The following POU2AF1 variants were observed in gnomAD, a reference collection of about 807,000 sequenced individuals.
POU2AF1 encodes the protein POU class 2 homeobox associating factor 1.
A neutral mutation model predicts 26.3 loss-of-function variants in POU2AF1; 12 were observed. That is an observed-to-expected ratio of 0.46 (90% CI 0.29 to 0.74). The LOEUF (loss-of-function observed/expected upper bound fraction) is 0.74. Ranked by LOEUF, POU2AF1 falls within the 30% of genes least tolerant of loss-of-function variation. The pLI is 0.09. For missense variants in POU2AF1, 297 were observed against 334.5 expected (o/e 0.89, Z 0.87); for synonymous variants, 175 against 148.0 (o/e 1.18, Z -1.32).
intron 1 of POU2AF1, chr11:111,363,388 A>G: frequency 2.0e-6 from 2 of 1,018,362 alleles, no homozygotes; most frequent in South Asian, 9.3e-5. Context: ...CCAACGGCCA[A>G]GTGTTTTTGC....
chr11:111,365,278 G>C (rs1288244011), intron 1 of POU2AF1, among the ~76,000 whole-genome samples: 1 of 152,220 alleles, frequency 6.6e-6, no homozygotes, highest in Non-Finnish European at 1.5e-5. Flanking sequence ...CATGATGCAA[G>C]GGATTCCTTT....
At chr11:111,372,429 C>T (rs1861231970) in intron 1 of POU2AF1, among the ~76,000 whole-genome samples, 1 of 152,036 alleles carries the variant, frequency 6.6e-6, no homozygotes, top group Admixed American at 6.5e-5. Context: ...TGCCATTGGT[C>T]CCTTATCTGA....
Position 111,353,098 on chromosome 11 carries a change from C to A in POU2AF1, c.*1163G>T. The stretch of plus-strand genomic sequence containing the variant: ...TGGTAGCACTAAGCCTAGGCGAGGA[C>A]CCATCACCTTTAGGCTTAATGGGGT... On this transcript the variant is annotated 3_prime_UTR_variant, in exon 5 of 5. Coordinates refer to ENST00000393067, the MANE Select transcript of POU2AF1 (RefSeq NM_006235.3). The A allele has an allele frequency of 4.4e-6, 1 of 228,784 alleles. No individual in the cohort carries two copies. Among genetic ancestry groups the A allele is most frequent in the Non-Finnish European group, 8.7e-6 (1 of 115,280 alleles). 14.2% of individuals were successfully genotyped at this position (228,784 alleles called of 1,614,324 possible). A position where few individuals can be genotyped will look rare whatever the true frequency, so the allele number is the denominator to read the frequency against.
At chr11:111,358,744 T>TC in intron 2 of POU2AF1, 44 bp downstream of exon 2, 11 of 1,489,674 alleles carry the variant, frequency 7.4e-6, no homozygotes, top group Non-Finnish European at 9.9e-6. Context: ...ACACATTCTC[T>TC]TTCACACACA....
At chr11:111,358,375 CTCTCTCACACACACTCCCTCACACACAT>C (rs1860905120) in intron 2 of POU2AF1, among the ~76,000 whole-genome samples, 1 of 25,128 alleles carries the variant, frequency 4.0e-5, no homozygotes, top group Non-Finnish European at 1.4e-4. Context: ...CACTCACACA[CTCTCTCACACACACTCCCTCACACACAT>C]ACTCTCTCAC....
At chr11:111,364,087 G>T in intron 1 of POU2AF1, 1 of 784,740 alleles carries the variant, frequency 1.3e-6, no homozygotes, top group Non-Finnish European at 1.5e-6. Flanking sequence ...TCCAAAATGA[G>T]CAATGAAACA....
At chr11:111,370,322 ATTTACCTCCTC>A (rs1216435574) in intron 1 of POU2AF1, among the ~76,000 whole-genome samples, 1 of 152,112 alleles carries the variant, frequency 6.6e-6, no homozygotes, top group Admixed American at 6.5e-5. Context: ...TTTTTTAGGA[ATTTACCTCCTC>A]TTTATTCACA....
Position 111,360,878 on chromosome 11 carries a change from A to G in POU2AF1, c.17-1960T>C, listed in dbSNP as rs1435747395. Among the ~76,000 whole-genome samples, 4 of 149,998 alleles carry G rather than the reference A, an allele frequency of 2.7e-5. No individual in the cohort carries two copies. In the Admixed American group the frequency reaches 2.7e-4, roughly 10 times the overall value. On this transcript the variant is annotated intron_variant, in intron 1 of 4. Transcript: ENST00000393067. ...GGAATGGCTTGAACCTGGGAGGTGG[A>G]GGTTGCAGTGAGCTGAGATCACACC...
chr11:111,352,963 GA>G lies in POU2AF1; in HGVS notation c.*1297del, dbSNP rs1860756144. On this transcript the variant is annotated 3_prime_UTR_variant, in exon 5 of 5. Coordinates refer to ENST00000393067, the MANE Select transcript of POU2AF1 (RefSeq NM_006235.3). ...AAACCAAAAAAAAGAAAGAAAGAGA[GA>G]GGAAGGAAGGAAGGAAGGAAGGAAG... The G allele has an allele frequency of 7.3e-6, 1 of 137,512 alleles. No homozygotes were observed. Among genetic ancestry groups the G allele is most frequent in the Non-Finnish European group, 1.5e-5 (1 of 67,932 alleles). 8.5% of individuals were successfully genotyped at this position (137,512 alleles called of 1,614,324 possible). A position where few individuals can be genotyped will look rare whatever the true frequency, so the allele number is the denominator to read the frequency against.
At chr11:111,376,697 T>C (rs567497037) in intron 1 of POU2AF1, among the ~76,000 whole-genome samples, 1 of 152,120 alleles carries the variant, frequency 6.6e-6, no homozygotes, top group African/African-American at 2.4e-5. Context: ...GCCTCGAGGG[T>C]GTTTTCTGAA....
In POU2AF1 at chr11:111,354,909, T is replaced by C. The variant is rs1665565543; in HGVS notation, c.457-334A>G. On this transcript the variant is annotated intron_variant, in intron 4 of 4. Coordinates refer to ENST00000393067, the MANE Select transcript of POU2AF1 (RefSeq NM_006235.3). ...ATTAGAGAGGATTTTCCAGGTTTCG[T>C]TGAATACAAAATTCATTTCTATTTC... Among the ~76,000 whole-genome samples the C allele has an allele frequency of 2.0e-5, 3 of 152,272 alleles. No homozygotes were observed. The South Asian group carries it at 6.2e-4, about 31-fold the overall frequency.
chr11:111,371,649 A>C (rs893528273), intron 1 of POU2AF1, among the ~76,000 whole-genome samples: 1 of 152,212 alleles, frequency 6.6e-6, no homozygotes, highest in Non-Finnish European at 1.5e-5. Context: ...ACAAATTGTA[A>C]TCTAAAATTA....
chr11:111,363,111 G>A (rs1242824776), intron 1 of POU2AF1: 1 of 1,006,602 alleles, frequency 9.9e-7, no homozygotes, highest in Non-Finnish European at 1.2e-6. Flanking sequence ...GGACTTCCTT[G>A]GAACTCAGTG....
intron 2 of POU2AF1, among the ~76,000 whole-genome samples, 170 bp from the exon 3 acceptor site, chr11:111,358,007 G>C (rs1222528274): frequency 6.6e-6 from 1 of 152,144 alleles, no homozygotes; most frequent in Non-Finnish European, 1.5e-5. Flanking sequence ...ACACTTGAGA[G>C]ATTTGCGTTT....
At chr11:111,358,442 T>TCACA (rs767955256) in intron 2 of POU2AF1, among the ~76,000 whole-genome samples, 1 of 46,814 alleles carries the variant, frequency 2.1e-5, no homozygotes, top group African/African-American at 7.0e-5. Context: ...ACACTCACTC[T>TCACA]CACACACACA....
At chr11:111,363,215 C>T (rs1861044502) in intron 1 of POU2AF1, 1 of 1,017,368 alleles carries the variant, frequency 9.8e-7, no homozygotes, top group South Asian at 4.6e-5. Context: ...CCACAGCTCC[C>T]ACGGGTCTCC....
At chr11:111,370,264 G>A (rs1242306098) in intron 1 of POU2AF1, among the ~76,000 whole-genome samples, 4 of 152,202 alleles carry the variant, frequency 2.6e-5, no homozygotes, top group South Asian at 2.1e-4. Flanking sequence ...CATTGGAGAA[G>A]GGGAGTGGTT....
chr11:111,357,967 T>TCCCAC (rs1236810572), intron 2 of POU2AF1, 130 bp from the exon 3 acceptor site: 2 of 1,005,846 alleles, frequency 2.0e-6, no homozygotes, highest in African/African-American at 3.3e-5. Flanking sequence ...GAACAAAACA[T>TCCCAC]CCCACCCCGT....
intron 1 of POU2AF1, among the ~76,000 whole-genome samples, chr11:111,370,114 G>A (rs1732575850): frequency 6.6e-6 from 1 of 152,170 alleles, no homozygotes; most frequent in Admixed American, 6.5e-5. Context: ...GGTGGCCTGG[G>A]GTGTAGCCTT....
Sources: gnomAD v4.1 joint callset for allele counts (sites outside exome capture counted in the v4.1 genomes callset) on GRCh38, gnomAD v4.1.1 for gene constraint, MANE v1.5 for transcripts, NCBI Gene and HGNC (gene_info 2026-07-23, HGNC 2026-07-21) for gene names.